GPC5: variants seen among roughly 807,000 people sequenced by gnomAD.
GPC5 encodes the protein glypican-5.
In GPC5, 47 loss-of-function variants were observed where a neutral mutation model predicts 53.9. The ratio of observed to expected loss-of-function variants is 0.87; its 90% confidence interval spans 0.69 to 1.11. GPC5 has a LOEUF of 1.11. Ranked by LOEUF, GPC5 falls within the 50% of genes most tolerant of loss-of-function variation. The pLI, the probability that GPC5 is intolerant of heterozygous loss-of-function variation, is 0.00. For synonymous variants in GPC5, 286 were observed against 263.3 expected, an observed-to-expected ratio of 1.09 and a Z score of -0.84; for missense variants, 748 against 713.1, an observed-to-expected ratio of 1.05 and a Z score of -0.56.
At chr13:92,556,091 A>G (rs1312212785) in intron 7 of GPC5, among the ~76,000 whole-genome samples, 1 of 151,706 alleles carries the variant, frequency 6.6e-6, no homozygotes, top group African/African-American at 2.4e-5. Context: ...GAGTATTTGG[A>G]ATTTATGTGG....
intron 7 of GPC5, among the ~76,000 whole-genome samples, chr13:92,261,270 C>G (rs561442803): frequency 6.6e-6 from 1 of 152,256 alleles, no homozygotes; most frequent in East Asian, 1.9e-4. Flanking sequence ...AGCATAACCT[C>G]AAGTGACAAA....
intron 5 of GPC5, among the ~76,000 whole-genome samples, chr13:91,781,268 C>T (rs2037794545): frequency 6.6e-6 from 1 of 152,194 alleles, no homozygotes; most frequent in African/African-American, 2.4e-5. Flanking sequence ...TCTTGGCCAA[C>T]ACTGGCTTCC....
chr13:91,773,437 T>G (rs2037660000), intron 5 of GPC5, among the ~76,000 whole-genome samples: 1 of 152,164 alleles, frequency 6.6e-6, no homozygotes, highest in Non-Finnish European at 1.5e-5. Context: ...ATATCTGTTC[T>G]TAGTCTAGCA....
intron 6 of GPC5, among the ~76,000 whole-genome samples, chr13:92,045,523 A>C (rs2040975044): frequency 6.6e-6 from 1 of 152,082 alleles, no homozygotes; most frequent in African/African-American, 2.4e-5. Context: ...CACTGTCATC[A>C]CCACCACCCC....
chr13:92,423,297 A>G (rs927575355), intron 7 of GPC5, among the ~76,000 whole-genome samples: 1 of 152,166 alleles, frequency 6.6e-6, no homozygotes, highest in African/African-American at 2.4e-5. Context: ...GAAAACATAT[A>G]ATTCAGAATA....
At position 91,461,174 on chromosome 13, in the gene GPC5, C is replaced by G. The variant is rs368736396; in HGVS notation, c.325+12252C>G. 3.1e-4 allele frequency among the ~76,000 whole-genome samples: 47 copies of G among 152,248 alleles called. No homozygotes were observed. In the East Asian group the frequency reaches 7.7e-3, roughly 25 times the overall value. On this transcript the variant is annotated intron_variant, in intron 2 of 7. Transcript: ENST00000377067. ...TTTTGTATAAACAAAGATAATCGAA[C>G]TTTTGCACCTTAAAGGATATTGTTT...
intron 2 of GPC5, among the ~76,000 whole-genome samples, chr13:91,586,080 A>G (rs2032555378): frequency 6.8e-6 from 1 of 147,242 alleles, no homozygotes; most frequent in Non-Finnish European, 1.5e-5. Flanking sequence ...ATCTTATTCA[A>G]GATAAACATT....
In GPC5 at chr13:91,964,055, C is replaced by T. The variant is rs1020268231; in HGVS notation, c.1401+55998C>T. 5.3e-5 allele frequency among the ~76,000 whole-genome samples: 8 copies of T among 152,182 alleles called. No homozygotes were observed. In the East Asian group the frequency reaches 7.7e-4, roughly 15 times the overall value. On this transcript the variant is annotated intron_variant, in intron 6 of 7. Coordinates refer to ENST00000377067, the MANE Select transcript of GPC5 (RefSeq NM_004466.6). ...TCAAGAATGAAGCCATGGACTCTCGCGGTGTTACAGTTCTTAAAGATGGTG... is the reference window on the plus strand; with the variant it reads ...TCAAGAATGAAGCCATGGACTCTCGTGGTGTTACAGTTCTTAAAGATGGTG...
intron 2 of GPC5, among the ~76,000 whole-genome samples, chr13:91,590,760 T>G (rs2032766640): frequency 6.6e-6 from 1 of 152,190 alleles, no homozygotes; most frequent in South Asian, 2.1e-4. Flanking sequence ...TTTTACTCAT[T>G]CCCTCTTTTT....
At chr13:91,795,742 G>C (rs572632521) in intron 5 of GPC5, among the ~76,000 whole-genome samples, 7 of 152,112 alleles carry the variant, frequency 4.6e-5, no homozygotes, top group Non-Finnish European at 1.0e-4. Flanking sequence ...CCTGCATCCT[G>C]TGTGTTGAAC....
chr13:92,269,759 C>CG (rs2042827595), intron 7 of GPC5, among the ~76,000 whole-genome samples: 1 of 152,150 alleles, frequency 6.6e-6, no homozygotes, highest in African/African-American at 2.4e-5. Flanking sequence ...TGAGTCTTCT[C>CG]GTCTTGTGGA....
chr13:92,590,992 A>G (rs1365622466), intron 7 of GPC5, among the ~76,000 whole-genome samples: 1 of 152,200 alleles, frequency 6.6e-6, no homozygotes, highest in Non-Finnish European at 1.5e-5. Context: ...ATATAGAACT[A>G]TGTAGCAGGA....
At chr13:92,732,150 G>T (rs114895417) in intron 7 of GPC5, among the ~76,000 whole-genome samples, 1 of 151,404 alleles carries the variant, frequency 6.6e-6, no homozygotes. Flanking sequence ...AAAAAGAACA[G>T]GTATTCCTCT....
At chr13:92,602,207 TTAC>T (rs1264766137) in intron 7 of GPC5, among the ~76,000 whole-genome samples, 2 of 113,336 alleles carry the variant, frequency 1.8e-5, no homozygotes, top group Admixed American at 1.1e-4. Flanking sequence ...AATATATATA[TTAC>T]ATATATATAA....
At chr13:92,169,320 A>T (rs997252027) in intron 7 of GPC5, among the ~76,000 whole-genome samples, 5 of 152,244 alleles carry the variant, frequency 3.3e-5, no homozygotes, top group African/African-American at 1.2e-4. Flanking sequence ...CATCCTGTAC[A>T]TGTATCCTGG....
chr13:92,389,455 G>A (rs185498429), intron 7 of GPC5, among the ~76,000 whole-genome samples: 1 of 152,086 alleles, frequency 6.6e-6, no homozygotes, highest in Non-Finnish European at 1.5e-5. Flanking sequence ...CTTCAAAAAT[G>A]CATCATGTAT....
intron 7 of GPC5, among the ~76,000 whole-genome samples, chr13:92,251,846 A>G (rs976993135): frequency 2.0e-4 from 30 of 152,222 alleles, no homozygotes; most frequent in African/African-American, 7.2e-4. Context: ...ATTCTGGCTC[A>G]TTTTTAAATC....
intron 7 of GPC5, among the ~76,000 whole-genome samples, chr13:92,611,708 A>C (rs1043505339): frequency 6.6e-6 from 1 of 152,172 alleles, no homozygotes; most frequent in Non-Finnish European, 1.5e-5. Flanking sequence ...TTTGAAGTGA[A>C]CATTTTAATT....
intron 6 of GPC5, among the ~76,000 whole-genome samples, chr13:92,116,411 C>T (rs1442509093): frequency 6.6e-6 from 1 of 152,190 alleles, no homozygotes; most frequent in East Asian, 1.9e-4. Flanking sequence ...AACTTCTAGC[C>T]TCCAGAGAAA....
Sources: allele counts gnomAD v4.1 joint callset (sites outside exome capture counted in the v4.1 genomes callset), GRCh38; gene constraint gnomAD v4.1.1; transcripts MANE v1.5; gene names NCBI Gene and HGNC (gene_info 2026-07-23, HGNC 2026-07-21).